The following LDLRAD3 variants were observed in gnomAD, a reference collection of about 807,000 sequenced individuals.
LDLRAD3 encodes the protein low density lipoprotein receptor class A domain containing 3.
LDLRAD3 carries 20 observed loss-of-function variants against 29.4 expected under a neutral mutation model. The ratio of observed to expected loss-of-function variants is 0.68; its 90% confidence interval spans 0.48 to 0.99. The LOEUF (loss-of-function observed/expected upper bound fraction) is 0.99, where lower values mean the gene tolerates loss of function less well. Among genes scored for constraint, LDLRAD3 ranks in the 50% least tolerant of loss-of-function variants. The probability of loss-of-function intolerance (pLI) is 0.00; values close to 1 mark genes in which losing one functional copy is unlikely to be tolerated. For synonymous variants in LDLRAD3, 157 were observed against 192.7 expected, an observed-to-expected ratio of 0.81 and a Z score of 1.53; for missense variants, 420 against 454.3, an observed-to-expected ratio of 0.92 and a Z score of 0.69.
In LDLRAD3 at chr11:36,069,548, T is replaced by C. The variant is rs183776324; in HGVS notation, c.194-12105T>C. Reference sequence around the variant, plus strand: ...TATACTTTGATTCTTTTCTAACATATACTTTTGATTAGCCCTTGTCATTCT... The same window carrying C: ...TATACTTTGATTCTTTTCTAACATACACTTTTGATTAGCCCTTGTCATTCT... On this transcript the variant is annotated intron_variant, in intron 2 of 5. Transcript: ENST00000315571. Among the ~76,000 whole-genome samples the C allele has an allele frequency of 2.1e-3, 326 of 152,328 alleles. 1 individual carries two copies. Among genetic ancestry groups the C allele is most frequent in the African/African-American group, 7.4e-3 (307 of 41,582 alleles).
chr11:36,106,009 A>C (rs191204942), intron 4 of LDLRAD3, among the ~76,000 whole-genome samples: 5 of 152,320 alleles, frequency 3.3e-5, no homozygotes, highest in African/African-American at 1.2e-4. Flanking sequence ...TGAGCTTCCA[A>C]GGGAGACTGG....
intron 4 of LDLRAD3, among the ~76,000 whole-genome samples, chr11:36,207,102 C>G (rs1346381160): frequency 2.0e-5 from 3 of 152,172 alleles, no homozygotes; most frequent in South Asian, 4.1e-4. Context: ...TCTGCTGGAA[C>G]TGTGGTCTCA....
intron 1 of LDLRAD3, among the ~76,000 whole-genome samples, chr11:36,030,454 G>C (rs1388020581): frequency 6.7e-6 from 1 of 148,362 alleles, no homozygotes; most frequent in East Asian, 1.9e-4. Flanking sequence ...GTGTGTGTGT[G>C]TGTGTGTGTG....
intron 1 of LDLRAD3, among the ~76,000 whole-genome samples, chr11:35,989,745 A>G (rs531441510): frequency 1.3e-5 from 2 of 152,268 alleles, no homozygotes; most frequent in South Asian, 2.1e-4. Context: ...ATTTTTGTAC[A>G]TTGATTTTGT....
At chr11:35,992,614 C>T (rs1422950076) in intron 1 of LDLRAD3, among the ~76,000 whole-genome samples, 2 of 152,168 alleles carry the variant, frequency 1.3e-5, no homozygotes, top group African/African-American at 4.8e-5. Context: ...CATATTGTAT[C>T]ATTCAATTTA....
Position 35,944,315 on chromosome 11 carries a change from C to A in LDLRAD3, c.46+171C>A, listed in dbSNP as rs1851027832. On this transcript the variant is annotated intron_variant, in intron 1 of 5. Coordinates refer to ENST00000315571, the MANE Select transcript of LDLRAD3 (RefSeq NM_174902.4). The surrounding 1 kb of genome is among the most constrained non-coding windows in gnomAD (Gnocchi z 4.9). ...GCTGGCCCGGACCCTGCCGAGGGGC[C>A]GCCGCGGGGTGCGAGCCGTCCTATT... 2.6e-5 allele frequency among the ~76,000 whole-genome samples: 4 copies of A among 151,378 alleles called. No individual in the cohort carries two copies. Among genetic ancestry groups the A allele is most frequent in the African/African-American group, 9.7e-5 (4 of 41,306 alleles).
intron 4 of LDLRAD3, among the ~76,000 whole-genome samples, chr11:36,144,393 A>ATCG (rs2133319168): frequency 7.4e-6 from 1 of 134,636 alleles, no homozygotes; most frequent in South Asian, 2.9e-4. Flanking sequence ...GCCGCCCATC[A>ATCG]TCTGGGATGT....
chr11:35,979,006 C>T (rs955391695), intron 1 of LDLRAD3, among the ~76,000 whole-genome samples: 2 of 152,196 alleles, frequency 1.3e-5, no homozygotes, highest in African/African-American at 4.8e-5. Flanking sequence ...TGTTCGTTCT[C>T]AGCCATTTGC....
intron 2 of LDLRAD3, among the ~76,000 whole-genome samples, chr11:36,080,580 G>T (rs1853098169): frequency 6.6e-6 from 1 of 152,148 alleles, no homozygotes; most frequent in Admixed American, 6.5e-5. Context: ...CTCTCAAAGC[G>T]CATTTATGAA....
At chr11:36,206,400 C>T (rs573241198) in intron 4 of LDLRAD3, among the ~76,000 whole-genome samples, 2 of 152,286 alleles carry the variant, frequency 1.3e-5, no homozygotes, top group South Asian at 4.1e-4. Context: ...TTAATGTTTG[C>T]TTTACGGAAG....
At chr11:36,144,719 G>T (rs1854146819) in intron 4 of LDLRAD3, among the ~76,000 whole-genome samples, 2 of 137,644 alleles carry the variant, frequency 1.5e-5, no homozygotes, top group African/African-American at 5.5e-5. Flanking sequence ...GAAGTGAGGA[G>T]CGTCTCCGCC....
At chr11:36,005,579 A>G (rs991492380) in intron 1 of LDLRAD3, among the ~76,000 whole-genome samples, 2 of 152,076 alleles carry the variant, frequency 1.3e-5, no homozygotes, top group African/African-American at 4.8e-5. Flanking sequence ...GAGCTCTCCA[A>G]ACTATTCCAA....
chr11:36,065,479 T>C (rs983672665), intron 2 of LDLRAD3, among the ~76,000 whole-genome samples: 1 of 152,184 alleles, frequency 6.6e-6, no homozygotes, highest in African/African-American at 2.4e-5. Context: ...CAAGAGATGA[T>C]AGCCATGGGA....
Position 36,230,368 on chromosome 11 carries a change from A to G in LDLRAD3, c.*971A>G, listed in dbSNP as rs1373987842. On this transcript the variant is annotated 3_prime_UTR_variant, in exon 6 of 6. Coordinates refer to ENST00000315571, the MANE Select transcript of LDLRAD3 (RefSeq NM_174902.4). ...CATGCAGCCTCAACACTGGCCTCCA[A>G]AGTTCCCTTAACACTTGCAAAGTCC... 2 of 152,594 alleles carry G rather than the reference A, an allele frequency of 1.3e-5. No homozygotes were observed. The highest frequency in any genetic ancestry group is 1.3e-4 in the Admixed American group (2 of 15,274). 9.5% of individuals were successfully genotyped at this position (152,594 alleles called of 1,614,324 possible).
chr11:36,103,261 G>A (rs1853476729), intron 4 of LDLRAD3, among the ~76,000 whole-genome samples: 2 of 139,224 alleles, frequency 1.4e-5, no homozygotes, highest in Admixed American at 1.5e-4. Context: ...TTTTGAAGTG[G>A]AGTCTCGCTC....
At chr11:35,953,757 A>T (rs2133127689) in intron 1 of LDLRAD3, among the ~76,000 whole-genome samples, 1 of 152,348 alleles carries the variant, frequency 6.6e-6, no homozygotes, top group South Asian at 2.1e-4. Context: ...AAGAGTGATT[A>T]GCAACATAGG....
At chr11:36,049,540 T>A (rs970046333) in intron 2 of LDLRAD3, among the ~76,000 whole-genome samples, 1 of 152,212 alleles carries the variant, frequency 6.6e-6, no homozygotes, top group African/African-American at 2.4e-5. Flanking sequence ...TACCCCTCTT[T>A]AGAAAGCATT....
chr11:36,173,330 TC>T (rs1854624930), intron 4 of LDLRAD3, among the ~76,000 whole-genome samples: 1 of 97,594 alleles, frequency 1.0e-5, no homozygotes, highest in Non-Finnish European at 2.0e-5. Flanking sequence ...ATGCTATCCC[TC>T]CCCCCTCCCC....
intron 4 of LDLRAD3, among the ~76,000 whole-genome samples, chr11:36,191,576 C>CTCTCTCTCTATGTA (rs377747518): frequency 1.9e-5 from 1 of 53,440 alleles, no homozygotes; most frequent in African/African-American, 8.3e-5. Context: ...CTCTCTCTCT[C>CTCTCTCTCTATGTA]TATATATATA....
Sources: gnomAD v4.1 joint callset for allele counts (sites outside exome capture counted in the v4.1 genomes callset) on GRCh38, gnomAD v4.1.1 for gene constraint, Gnocchi (gnomAD v3.1) non-coding constraint, MANE v1.5 for transcripts, NCBI Gene and HGNC (gene_info 2026-07-23, HGNC 2026-07-21) for gene names.